The following CALCOCO1 variants were observed in gnomAD, a reference collection of about 807,000 sequenced individuals.
CALCOCO1 encodes calcium-binding and coiled-coil domain-containing protein 1.
Under a neutral mutation model 86.3 loss-of-function variants are expected in CALCOCO1, and 44 were observed. That is an observed-to-expected ratio of 0.51 (90% confidence interval 0.40 to 0.66). The LOEUF is 0.66. Among genes scored for constraint, CALCOCO1 ranks in the 30% least tolerant of loss-of-function variants. The pLI is 0.00. For missense variants in CALCOCO1, 708 were observed against 851.1 expected, an observed-to-expected ratio of 0.83 and a Z score of 2.09; for synonymous variants, 297 against 327.6, an observed-to-expected ratio of 0.91 and a Z score of 1.01.
rs1380985804 is a variant in CALCOCO1, at chr12:53,709,303, C to A, written c.*2641G>T. Reference sequence around the variant, plus strand: ...TGGAAGCTGGCTGCCCCTGGGTTTCCCCCAGCCCATGCCGTCAATTACCCT... The same window carrying A: ...TGGAAGCTGGCTGCCCCTGGGTTTCACCCAGCCCATGCCGTCAATTACCCT... On this transcript the variant is annotated 3_prime_UTR_variant, in exon 15 of 15. Transcript: ENST00000550804. 1 of 152,216 alleles carries A rather than the reference C, an allele frequency of 6.6e-6. No individual in the cohort carries two copies. The highest frequency in any genetic ancestry group is 1.5e-5 in the Non-Finnish European group (1 of 68,080). 9.4% of individuals were successfully genotyped at this position (152,216 alleles called of 1,614,324 possible).
chr12:53,717,578 T>C (rs1945759067), intron 7 of CALCOCO1, among the ~76,000 whole-genome samples: 2 of 152,234 alleles, frequency 1.3e-5, no homozygotes, highest in African/African-American at 4.8e-5. Context: ...CATCTCTGTC[T>C]ACTCATATTC....
chr12:53,724,581 CT>C (rs1229528875), intron 3 of CALCOCO1, 63 bp downstream of exon 3: 2 of 1,227,744 alleles, frequency 1.6e-6, no homozygotes, highest in Admixed American at 3.7e-5. Flanking sequence ...TCTGAGCCCA[CT>C]ACCTTCTTTC....
At chr12:53,721,922 G>T in intron 5 of CALCOCO1, 103 bp downstream of exon 5, 1 of 1,352,056 alleles carries the variant, frequency 7.4e-7, no homozygotes, top group East Asian at 2.3e-5. Flanking sequence ...CAGAACCATT[G>T]TAAAAGCCCA....
intron 5 of CALCOCO1, 148 bp downstream of exon 5, chr12:53,721,877 C>T: frequency 1.1e-6 from 1 of 919,098 alleles, no homozygotes; most frequent in Admixed American, 2.2e-5. Context: ...AAGTTTAATC[C>T]CAGCCACTAC....
chr12:53,724,930 AT>A, intron 2 of CALCOCO1, 156 bp downstream of exon 2: 1 of 892,814 alleles, frequency 1.1e-6, no homozygotes, highest in Non-Finnish European at 1.7e-6. Context: ...TGGAGAAAAT[AT>A]GTGCTTTGGT....
chr12:53,723,828 C>A, intron 3 of CALCOCO1, 45 bp from the exon 4 acceptor site: 1 of 1,566,788 alleles, frequency 6.4e-7, no homozygotes, highest in Non-Finnish European at 8.7e-7. Flanking sequence ...ATCCACTGTC[C>A]TTGGCCCCAG....
At chr12:53,712,171 T>C in intron 14 of CALCOCO1, 50 bp from the exon 15 acceptor site, 1 of 1,507,982 alleles carries the variant, frequency 6.6e-7, no homozygotes, top group Non-Finnish European at 9.0e-7. Context: ...TCTGTTCCCT[T>C]CTTGACTTGC....
chr12:53,712,946 G>C, intron 14 of CALCOCO1, 154 bp downstream of exon 14: 1 of 1,280,708 alleles, frequency 7.8e-7, no homozygotes, highest in South Asian at 1.3e-5. Flanking sequence ...GGAGCAGTGA[G>C]TCATTTTCCT....
intron 13 of CALCOCO1, 103 bp from the exon 14 acceptor site, chr12:53,713,309 G>A: frequency 1.1e-6 from 1 of 902,014 alleles, no homozygotes. Context: ...CTAGGACAGT[G>A]ACCTGAGGGG....
At chr12:53,720,807 T>C (rs531010060) in intron 6 of CALCOCO1, among the ~76,000 whole-genome samples, 1 of 152,358 alleles carries the variant, frequency 6.6e-6, no homozygotes, top group African/African-American at 2.4e-5. Context: ...TTAATATTTA[T>C]GCTACTTGGT....
chr12:53,721,447 G>A lies in CALCOCO1; in HGVS notation c.758+20C>T, dbSNP rs370358041. On this transcript the variant is annotated intron_variant, in intron 6 of 14. Transcript: ENST00000550804. ...TCATGGAAGGGAGAGGAAGTGACGG[G>A]GTCAGTGGACTCCCCTCACCTGTCC... 322 of 1,583,148 alleles carry A rather than the reference G, an allele frequency of 2.0e-4. No homozygotes were observed. Among genetic ancestry groups the A allele is most frequent in the Non-Finnish European group, 2.7e-4 (318 of 1,167,900 alleles).
At position 53,713,150 on chromosome 12, in the gene CALCOCO1, C is replaced by G; in HGVS notation, c.1848G>C (p.Glu616Asp). ...LMAAVQSGGEEANLLLPELGS... is the reference protein window; with the variant it reads ...LMAAVQSGGEDANLLLPELGS... The stretch of plus-strand genomic sequence containing the variant: ...CCAGTTCAGGAAGCAGTAAGTTGGC[C>G]TCCTCACCCCCACTCTGCACAGCTG... Residue 616 changes from glutamate to aspartate, a missense_variant, in exon 14 of 15, where the codon GAG becomes GAC. Physicochemically the swap from Glu to Asp is conservative, Grantham distance 45. Coordinates refer to ENST00000550804, the MANE Select transcript of CALCOCO1 (RefSeq NM_020898.3). The G allele has an allele frequency of 6.2e-7, 1 of 1,614,152 alleles. No homozygotes were observed. The highest frequency in any genetic ancestry group is 8.5e-7 in the Non-Finnish European group (1 of 1,180,014).
At chr12:53,727,014 C>T (rs908166325) in intron 1 of CALCOCO1, among the ~76,000 whole-genome samples, 2 of 152,132 alleles carry the variant, frequency 1.3e-5, no homozygotes, top group Non-Finnish European at 2.9e-5. Flanking sequence ...ACATTCTACA[C>T]CTTGGAAGGT....
At position 53,710,337 on chromosome 12, in the gene CALCOCO1, G is replaced by A. The variant is rs921108989; in HGVS notation, c.*1607C>T. On this transcript the variant is annotated 3_prime_UTR_variant, in exon 15 of 15. Coordinates refer to ENST00000550804, the MANE Select transcript of CALCOCO1 (RefSeq NM_020898.3). ...GGGGCTGGAAAGGGGGTGGACAGGA[G>A]CATTTCAGGTGAATGGAGAAAGGGA... is the stretch of plus-strand genomic sequence containing the variant. 1 of 152,374 alleles carries A rather than the reference G, an allele frequency of 6.6e-6. No individual in the cohort carries two copies. Among genetic ancestry groups the A allele is most frequent in the Non-Finnish European group, 1.5e-5 (1 of 68,156 alleles). 9.4% of individuals were successfully genotyped at this position (152,374 alleles called of 1,614,324 possible). A position where few individuals can be genotyped will look rare whatever the true frequency, so the allele number is the denominator to read the frequency against.
At chr12:53,715,080 A>G in intron 10 of CALCOCO1, 120 bp downstream of exon 10, 1 of 1,257,552 alleles carries the variant, frequency 8.0e-7, no homozygotes, top group Non-Finnish European at 1.1e-6. Flanking sequence ...TGCAAGTGAA[A>G]TGCCACCCAA....
rs1593077664 is a variant in CALCOCO1 at position 53,714,285 on chromosome 12, G to A, written c.1483-44C>T. On this transcript the variant is annotated intron_variant, in intron 11 of 14. Transcript: ENST00000550804. Reference sequence around the variant, plus strand: ...AAGGCAGGTGCTAGAGAATGGGAAGGTGCCAACCTTGCTAGCCTGCAGAAG... The same window carrying A: ...AAGGCAGGTGCTAGAGAATGGGAAGATGCCAACCTTGCTAGCCTGCAGAAG... 5.5e-6 allele frequency: 8 copies of A among 1,453,180 alleles called. No individual in the cohort carries two copies. In the African/African-American group the frequency reaches 9.8e-5, roughly 18 times the overall value. 90.0% of individuals were successfully genotyped at this position (1,453,180 alleles called of 1,614,324 possible).
In CALCOCO1 at chr12:53,713,812, T is replaced by C; in HGVS notation, c.1680A>G (p.Pro560=). ...PPYGLCERGD[P]GSSPAGPREA... is the part of the protein sequence containing the mutation. ...CTCGAGGCCCAGCAGGAGAGGAGCC[T>C]GGGTCTCCACGCTCACAAAGGCCAT... The change falls in exon 13 of 15, where the codon CCA becomes CCG. Residue 560 remains proline, a synonymous_variant. Transcript: ENST00000550804. The C allele has an allele frequency of 6.3e-7, 1 of 1,579,266 alleles. No individual in the cohort carries two copies. Among genetic ancestry groups the C allele is most frequent in the Non-Finnish European group, 8.6e-7 (1 of 1,165,236 alleles).
intron 10 of CALCOCO1, 53 bp downstream of exon 10, chr12:53,715,146 TA>T (rs1414189890): frequency 6.3e-7 from 1 of 1,595,330 alleles, no homozygotes; most frequent in East Asian, 2.2e-5. Context: ...AGAGAAGGGG[TA>T]TGGATGCCTC....
At chr12:53,719,559 A>C (rs1945814174) in intron 7 of CALCOCO1, among the ~76,000 whole-genome samples, 180 bp downstream of exon 7, 1 of 151,788 alleles carries the variant, frequency 6.6e-6, no homozygotes, top group Non-Finnish European at 1.5e-5. Context: ...CTCTTGTGAC[A>C]CTCTTATATT....
Sources: allele counts gnomAD v4.1 joint callset (sites outside exome capture counted in the v4.1 genomes callset), GRCh38; gene constraint gnomAD v4.1.1; transcripts MANE v1.5; gene names NCBI Gene and HGNC (gene_info 2026-07-23, HGNC 2026-07-21).